PLXDC1: variants seen among roughly 807,000 people sequenced by gnomAD.
PLXDC1 encodes the protein plexin domain-containing protein 1.
In PLXDC1, 39 loss-of-function variants were observed where a neutral mutation model predicts 61.3. The observed-to-expected ratio is 0.64, with a 90% CI of 0.49 to 0.83. PLXDC1 has a LOEUF of 0.83. Ranked by LOEUF, PLXDC1 falls within the 40% of genes least tolerant of loss-of-function variation. The pLI is 0.00. For synonymous variants in PLXDC1, 212 were observed against 254.5 expected, an observed-to-expected ratio of 0.83 and a Z score of 1.59; for missense variants, 596 against 666.5, an observed-to-expected ratio of 0.89 and a Z score of 1.17.
Position 39,096,116 on chromosome 17 carries a change from G to A in PLXDC1, c.812-8414C>T, listed in dbSNP as rs147301271. Reference sequence around the variant, plus strand: ...CTCCCACCTGGAATGGGTGGTTACCGTATAAAAAAATCTAAGAGGTTGGGT... The same window carrying A: ...CTCCCACCTGGAATGGGTGGTTACCATATAAAAAAATCTAAGAGGTTGGGT... On this transcript the variant is annotated intron_variant, in intron 7 of 13. Transcript: ENST00000315392. Among the ~76,000 whole-genome samples the A allele has an allele frequency of 7.2e-5, 11 of 152,292 alleles. No homozygotes were observed. In the East Asian group the frequency reaches 1.5e-3, roughly 21 times the overall value.
chr17:39,108,579 G>A (rs1318592949), intron 4 of PLXDC1: 1 of 510,018 alleles, frequency 2.0e-6, no homozygotes, highest in Non-Finnish European at 3.5e-6. Context: ...CCTATCAACA[G>A]GGAGCCTGGC....
chr17:39,129,354 C>T (rs1195782602), intron 2 of PLXDC1, among the ~76,000 whole-genome samples: 1 of 143,204 alleles, frequency 7.0e-6, no homozygotes, highest in Non-Finnish European at 1.5e-5. Flanking sequence ...CACAGTGGCT[C>T]AAACCTGTAA....
At chr17:39,071,390 C>T (rs984762124) in intron 12 of PLXDC1, among the ~76,000 whole-genome samples, 2 of 152,078 alleles carry the variant, frequency 1.3e-5, no homozygotes, top group African/African-American at 4.8e-5. Flanking sequence ...TGGGAGGGAA[C>T]TAGGGGTGGC....
chr17:39,124,887 T>C (rs1435445479), intron 2 of PLXDC1, among the ~76,000 whole-genome samples: 1 of 152,136 alleles, frequency 6.6e-6, no homozygotes, highest in Non-Finnish European at 1.5e-5. Context: ...CACCTCAGCT[T>C]ACTGCAACCT....
At chr17:39,086,878 A>AAAAAAAAG (rs1298383783) in intron 8 of PLXDC1, among the ~76,000 whole-genome samples, 1 of 150,856 alleles carries the variant, frequency 6.6e-6, no homozygotes, top group South Asian at 2.1e-4. Context: ...AAAAAAAAAA[A>AAAAAAAAG]AAGAAGAAGA....
intron 7 of PLXDC1, among the ~76,000 whole-genome samples, chr17:39,094,775 A>G (rs984008270): frequency 6.6e-6 from 1 of 152,174 alleles, no homozygotes. Flanking sequence ...CAAAGGAAGC[A>G]CGCCCTCCCT....
At chr17:39,100,010 G>A (rs545017817) in intron 7 of PLXDC1, among the ~76,000 whole-genome samples, 1 of 152,148 alleles carries the variant, frequency 6.6e-6, no homozygotes, top group Non-Finnish European at 1.5e-5. Flanking sequence ...CCTGGTTTGC[G>A]TCTTCCTCGC....
intron 7 of PLXDC1, among the ~76,000 whole-genome samples, chr17:39,090,693 G>T (rs947444543): frequency 7.2e-5 from 11 of 152,206 alleles, no homozygotes; most frequent in African/African-American, 2.7e-4. Flanking sequence ...AGCCCTCGAA[G>T]CATGTGAGCC....
intron 7 of PLXDC1, among the ~76,000 whole-genome samples, chr17:39,090,560 A>G (rs1276962805): frequency 6.6e-6 from 1 of 152,160 alleles, no homozygotes; most frequent in African/African-American, 2.4e-5. Context: ...CTCTGCCCTT[A>G]CCGCCTGTGT....
At chr17:39,126,474 A>G (rs1911314445) in intron 2 of PLXDC1, among the ~76,000 whole-genome samples, 1 of 152,204 alleles carries the variant, frequency 6.6e-6, no homozygotes, top group Admixed American at 6.5e-5. Flanking sequence ...ACTACTAAAT[A>G]AAGACCAAAA....
intron 7 of PLXDC1, among the ~76,000 whole-genome samples, chr17:39,093,721 AT>A (rs1555571159): frequency 4.3e-4 from 7 of 16,398 alleles, no homozygotes; most frequent in African/African-American, 1.0e-3. Context: ...GTCTTAAAAT[AT>A]ATATATATAT....
chr17:39,090,891 C>G (rs58453897), intron 7 of PLXDC1, among the ~76,000 whole-genome samples: 13,687 of 137,632 alleles, frequency 0.099, 1,112 homozygotes, highest in African/African-American at 0.24. Flanking sequence ...CCCTCTGTCT[C>G]TCTCTCTCTA....
At chr17:39,114,304 A>G (rs1910899337) in intron 2 of PLXDC1, among the ~76,000 whole-genome samples, 1 of 152,184 alleles carries the variant, frequency 6.6e-6, no homozygotes, top group African/African-American at 2.4e-5. Context: ...ATCACCACAC[A>G]GTTGTCTGCC....
chr17:39,095,888 C>T (rs1910175728), intron 7 of PLXDC1, among the ~76,000 whole-genome samples: 1 of 152,100 alleles, frequency 6.6e-6, no homozygotes. Context: ...TGGTCTCAAA[C>T]TCCTGGCCTC....
Position 39,069,868 on chromosome 17 carries a change from G to C in PLXDC1, c.1371C>G (p.Leu457=), listed in dbSNP as rs1454939941. Residue 457 remains leucine, a synonymous_variant, in exon 13 of 14, where the codon CTC becomes CTG. Transcript: ENST00000315392. ...INGHPTSNAA[L]FFIERRPHHW... is the part of the protein sequence containing the mutation. ...AGATGACACGGACCTCGATGAAGAA[G>C]AGCGCAGCATTGGATGTGGGGTGGC... 1 of 1,613,864 alleles carries C rather than the reference G, an allele frequency of 6.2e-7. No individual in the cohort carries two copies. The highest frequency in any genetic ancestry group is 8.5e-7 in the Non-Finnish European group (1 of 1,179,800).
intron 6 of PLXDC1, 47 bp from the exon 7 acceptor site, chr17:39,106,000 GC>G (rs1910579971): frequency 1.6e-6 from 2 of 1,250,394 alleles, no homozygotes; most frequent in Non-Finnish European, 2.3e-6. Flanking sequence ...ACGCTCTGGG[GC>G]CCACCCAGCC....
intron 2 of PLXDC1, among the ~76,000 whole-genome samples, chr17:39,127,943 CAAA>C (rs35444362): frequency 0.034 from 1,811 of 52,676 alleles, 6 homozygotes; most frequent in African/African-American, 0.13. Context: ...CTCCATCTCA[CAAA>C]AAAAAAAAAA....
At chr17:39,130,242 CAGG>C (rs1911515207) in intron 2 of PLXDC1, among the ~76,000 whole-genome samples, 1 of 152,124 alleles carries the variant, frequency 6.6e-6, no homozygotes, top group South Asian at 2.1e-4. Flanking sequence ...CACTTGCGTC[CAGG>C]AGTTCAAGAC....
chr17:39,123,897 G>A (rs1343009693), intron 2 of PLXDC1, among the ~76,000 whole-genome samples: 2 of 152,130 alleles, frequency 1.3e-5, no homozygotes, highest in East Asian at 3.9e-4. Context: ...ACGTCCTGCA[G>A]GGCTGCTAGA....
Sources: allele counts gnomAD v4.1 joint callset (sites outside exome capture counted in the v4.1 genomes callset), GRCh38; gene constraint gnomAD v4.1.1; transcripts MANE v1.5; gene names NCBI Gene and HGNC (gene_info 2026-07-23, HGNC 2026-07-21).